Variants in PITHD1 observed in about 807,000 individuals in gnomAD.
The protein encoded by PITHD1 is PITH domain containing 1, also known as PITH domain-containing protein 1.
A neutral mutation model predicts 27.5 loss-of-function variants in PITHD1; 8 were observed. That is an observed-to-expected ratio of 0.29 (90% CI 0.17 to 0.52). PITHD1 has a LOEUF of 0.52. PITHD1 is among the 20% of genes least tolerant of loss of function. The pLI, the probability that PITHD1 is intolerant of heterozygous loss-of-function variation, is 0.96. For synonymous variants in PITHD1, 118 were observed against 106.8 expected, an observed-to-expected ratio of 1.10 and a Z score of -0.64; for missense variants, 233 against 283.9, an observed-to-expected ratio of 0.82 and a Z score of 1.29.
Position 23,787,345 on chromosome 1 carries a change from A to G in PITHD1, c.605A>G (p.Gln202Arg), listed in dbSNP as rs1557469059. 2 of 1,610,594 alleles carry G rather than the reference A, an allele frequency of 1.2e-6. 1 individual carries two copies. Among genetic ancestry groups the G allele is most frequent in the Non-Finnish European group, 1.7e-6 (2 of 1,176,924 alleles). The change falls in exon 6 of 6, where the codon CAG (glutamine) becomes CGG (arginine). Residue 202 changes from glutamine to arginine, a missense_variant. Physicochemically the swap from Gln to Arg is conservative, Grantham distance 43 (BLOSUM62 1). Coordinates refer to ENST00000246151, the MANE Select transcript of PITHD1 (RefSeq NM_020362.5). ...SANPADHRVH[Q>R]VTPQTHFIS The stretch of plus-strand genomic sequence containing the variant: ...AACCCAGCAGACCATAGGGTCCATC[A>G]GGTTACCCCACAGACACACTTTATT...
At chr1:23,784,062 A>G (rs1035071626) in intron 3 of PITHD1, among the ~76,000 whole-genome samples, 6 of 152,084 alleles carry the variant, frequency 3.9e-5, no homozygotes, top group African/African-American at 1.4e-4. Context: ...CAGGTGCCCA[A>G]ATTTACTCAG....
intron 3 of PITHD1, among the ~76,000 whole-genome samples, chr1:23,783,156 C>G (rs1638627140): frequency 6.6e-6 from 1 of 151,240 alleles, no homozygotes; most frequent in Non-Finnish European, 1.5e-5. Flanking sequence ...GCCACCATGT[C>G]TGGCTAATTT....
chr1:23,780,521 A>G (rs1290987564), intron 3 of PITHD1, among the ~76,000 whole-genome samples: 4 of 152,202 alleles, frequency 2.6e-5, no homozygotes, highest in Non-Finnish European at 5.9e-5. Flanking sequence ...GGAGAAACAT[A>G]TAAGAAGAAC....
intron 3 of PITHD1, among the ~76,000 whole-genome samples, chr1:23,781,697 G>A (rs1383716054): frequency 6.6e-6 from 1 of 152,188 alleles, no homozygotes; most frequent in Non-Finnish European, 1.5e-5. Flanking sequence ...GGGATCTGGA[G>A]TAAACTGGGT....
rs1399962612 is a variant in PITHD1, at chr1:23,786,315, A to AT, written c.426_427insT (p.Ile143TyrfsTer36). 1 of 1,440,050 alleles carries AT rather than the reference A, an allele frequency of 6.9e-7. No homozygotes were observed. Among genetic ancestry groups the AT allele is most frequent in the African/African-American group, 1.4e-5 (1 of 71,698 alleles). 89.2% of individuals were successfully genotyped at this position (1,440,050 alleles called of 1,614,324 possible). ...TTTCCCTATTCCTGTCATCCTCTAGAATTTCTCGTTTTTCAAATGTCTATC... is the reference window on the plus strand; with the variant it reads ...TTTCCCTATTCCTGTCATCCTCTAGATATTTCTCGTTTTTCAAATGTCTATC... On this transcript the variant is annotated frameshift_variant and splice_region_variant, in exon 5 of 6. Transcript: ENST00000246151. LOFTEE classifies it high-confidence loss of function.
At chr1:23,779,302 A>C (rs1638560338) in intron 1 of PITHD1, 136 bp from the exon 2 acceptor site, 1 of 704,984 alleles carries the variant, frequency 1.4e-6, no homozygotes. Context: ...CTTCAAGTTA[A>C]TAAGTCTTGG....
At chr1:23,780,021 T>TG in intron 3 of PITHD1, 80 bp downstream of exon 3, 1 of 761,264 alleles carries the variant, frequency 1.3e-6, no homozygotes, top group Non-Finnish European at 2.1e-6. Flanking sequence ...AATAGTATCA[T>TG]TTTCTTCTTA....
At chr1:23,783,728 T>C (rs986731786) in intron 3 of PITHD1, among the ~76,000 whole-genome samples, 2 of 152,092 alleles carry the variant, frequency 1.3e-5, no homozygotes, top group African/African-American at 4.8e-5. Flanking sequence ...GTGCTGGGAT[T>C]ACAGGCGTGA....
chr1:23,779,642 G>T, intron 2 of PITHD1, 161 bp downstream of exon 2: 1 of 680,288 alleles, frequency 1.5e-6, no homozygotes, highest in South Asian at 1.7e-5. Context: ...TCTTGGTGCA[G>T]ACTGGAAACA....
chr1:23,779,415 T>TC (rs755898782), intron 1 of PITHD1, 23 bp from the exon 2 acceptor site: 64 of 1,598,102 alleles, frequency 4.0e-5, no homozygotes, highest in Non-Finnish European at 5.2e-5. Context: ...TGCTTTCTCC[T>TC]CCCCCCTCCC....
At chr1:23,786,147 G>C (rs1226179139) in intron 4 of PITHD1, among the ~76,000 whole-genome samples, 168 bp from the exon 5 acceptor site, 1 of 152,186 alleles carries the variant, frequency 6.6e-6, no homozygotes, top group Non-Finnish European at 1.5e-5. Flanking sequence ...CAGGTGCTCA[G>C]TAAATGGTCA....
At chr1:23,780,329 C>T (rs1638578667) in intron 3 of PITHD1, among the ~76,000 whole-genome samples, 1 of 152,130 alleles carries the variant, frequency 6.6e-6, no homozygotes, top group African/African-American at 2.4e-5. Flanking sequence ...CAGTAATGAT[C>T]TTATGTGTTT....
chr1:23,787,179 A>G, intron 5 of PITHD1, 96 bp from the exon 6 acceptor site: 1 of 717,490 alleles, frequency 1.4e-6, no homozygotes, highest in Non-Finnish European at 2.5e-6. Flanking sequence ...GATGACTCCT[A>G]GAAATGAACC....
intron 1 of PITHD1, 21 bp from the exon 2 acceptor site, chr1:23,779,417 C>T: frequency 1.3e-6 from 2 of 1,599,204 alleles, no homozygotes; most frequent in Non-Finnish European, 1.7e-6. Flanking sequence ...CTTTCTCCTC[C>T]CCCCTCCCCA....
At chr1:23,787,189 C>A in intron 5 of PITHD1, 86 bp from the exon 6 acceptor site, 2 of 773,162 alleles carry the variant, frequency 2.6e-6, no homozygotes, top group Non-Finnish European at 2.2e-6. Flanking sequence ...AGAAATGAAC[C>A]TGAATAAGGA....
Position 23,778,568 on chromosome 1 carries a change from G to A in PITHD1, c.53G>A (p.Arg18Gln). Reference protein sequence around the residue: ...GGGGCRCAAEREEPPEQRGLA... With the variant: ...GGGGCRCAAEQEEPPEQRGLA... ...GGTGGCTGCCGCTGCGCCGCCGAAC[G>A]GGAGGAGCCGCCCGAGCAGCGCGGC... The change falls in exon 1 of 6, where the codon CGG (arginine) becomes CAG (glutamine). Residue 18 changes from arginine (R) to glutamine (Q), a missense_variant. Coordinates refer to ENST00000246151, the MANE Select transcript of PITHD1 (RefSeq NM_020362.5). The A allele has an allele frequency of 7.4e-7, 1 of 1,344,218 alleles. No homozygotes were observed. Among genetic ancestry groups the A allele is most frequent in the Non-Finnish European group, 9.5e-7 (1 of 1,052,196 alleles). The allele number at this position is 1,344,218 out of a possible 1,614,324, so 83.3% of individuals were successfully genotyped here.
Position 23,783,380 on chromosome 1 carries a change from T to C in PITHD1, c.321-2295T>C, listed in dbSNP as rs140392406. ...ACGCATATATATATACACATATATG[T>C]GTATATATACATATATACGCATATA... On this transcript the variant is annotated intron_variant, in intron 3 of 5. Transcript: ENST00000246151. 3.1e-3 allele frequency among the ~76,000 whole-genome samples: 403 copies of C among 128,608 alleles called. 10 individuals are homozygous for C. Among genetic ancestry groups the C allele is most frequent in the African/African-American group, 0.01 (344 of 33,474 alleles). The allele number at this position is 128,608 out of a possible 152,430, so 84.4% of individuals were successfully genotyped here.
chr1:23,785,655 TCTTTC>T lies in PITHD1; in HGVS notation c.321-9_321-5del, dbSNP rs772418700. On this transcript the variant is annotated splice_polypyrimidine_tract_variant and intron_variant, in intron 3 of 5. Transcript: ENST00000246151. ...GTGATAATGCACATTTCTTGACTTT[TCTTTC>T]CTTTCCTTTCTCAGGTACAAGAATA... 2.7e-6 allele frequency: 4 copies of T among 1,493,798 alleles called. No individual in the cohort carries two copies. The highest frequency in any genetic ancestry group is 3.7e-6 in the Non-Finnish European group (4 of 1,072,036). The allele number at this position is 1,493,798 out of a possible 1,614,324, so 92.5% of individuals were successfully genotyped here. A position where few individuals can be genotyped will look rare whatever the true frequency, so the allele number is the denominator to read the frequency against.
chr1:23,778,625 T>C lies in PITHD1; in HGVS notation c.110T>C (p.Leu37Pro). The C allele has an allele frequency of 7.5e-7, 1 of 1,332,642 alleles. No individual in the cohort carries two copies. The highest frequency in any genetic ancestry group is 2.0e-5 in the South Asian group (1 of 49,322). 82.6% of individuals were successfully genotyped at this position (1,332,642 alleles called of 1,614,324 possible). The change falls in exon 1 of 6, where the codon CTG becomes CCG. Residue 37 changes from leucine to proline, a missense_variant. Leu to Pro is a moderately conservative substitution (Grantham distance 98). Transcript: ENST00000246151. ...LAYGLYLRID[L>P]ERLQCLNESR... is the part of the protein sequence containing the mutation. ...TACGGCCTGTACCTGCGCATCGACCTGGAGCGGCTGCAATGCCTTAACGAG... is the reference window on the plus strand; with the variant it reads ...TACGGCCTGTACCTGCGCATCGACCCGGAGCGGCTGCAATGCCTTAACGAG...
Sources: allele counts gnomAD v4.1 joint callset (sites outside exome capture counted in the v4.1 genomes callset), GRCh38; gene constraint gnomAD v4.1.1; transcripts MANE v1.5; gene names NCBI Gene and HGNC (gene_info 2026-07-23, HGNC 2026-07-21).